Variants in NMRK1 observed in about 807,000 individuals in gnomAD.
The protein encoded by NMRK1 is NRK 1.
Under a neutral mutation model 29.9 loss-of-function variants are expected in NMRK1, and 28 were observed. That is an observed-to-expected ratio of 0.94 (90% confidence interval 0.69 to 1.28). The LOEUF is 1.28. NMRK1 is among the 50% of genes most tolerant of loss of function. The pLI is 0.00. For synonymous variants in NMRK1, 58 were observed against 73.0 expected (o/e 0.79, Z 1.05); for missense variants, 218 against 233.1 (o/e 0.94, Z 0.42).
chr9:75,069,613 T>G, intron 6 of NMRK1, 129 bp downstream of exon 6: 1 of 726,738 alleles, frequency 1.4e-6, no homozygotes, highest in South Asian at 1.7e-5. Flanking sequence ...GCTCCTTTTG[T>G]AAAAGAGTTA....
chr9:75,066,143 C>A, intron 8 of NMRK1: 1 of 375,430 alleles, frequency 2.7e-6, no homozygotes, highest in Non-Finnish European at 5.3e-6. Context: ...ATATAAATAA[C>A]TCCTACAAGC....
intron 4 of NMRK1, among the ~76,000 whole-genome samples, chr9:75,076,848 C>G (rs1824018067): frequency 6.6e-6 from 1 of 152,178 alleles, no homozygotes. Flanking sequence ...CTGCCTCGGC[C>G]TTCCAAAAGT....
At chr9:75,081,559 T>C (rs960970823) in intron 2 of NMRK1, among the ~76,000 whole-genome samples, 1 of 152,218 alleles carries the variant, frequency 6.6e-6, no homozygotes, top group African/African-American at 2.4e-5. Flanking sequence ...TATACGGCCC[T>C]GTATTGGGAC....
chr9:75,079,514 C>T (rs1217064545), intron 2 of NMRK1, among the ~76,000 whole-genome samples: 6 of 152,206 alleles, frequency 3.9e-5, no homozygotes, highest in African/African-American at 1.4e-4. Context: ...TCCTTTCTCA[C>T]TGACTTAGCT....
intron 4 of NMRK1, among the ~76,000 whole-genome samples, chr9:75,073,376 G>A (rs1823809374): frequency 6.6e-6 from 1 of 152,174 alleles, no homozygotes; most frequent in African/African-American, 2.4e-5. Context: ...ATTTTCTGTT[G>A]TTTAAGGCAT....
Position 75,078,795 on chromosome 9 carries a change from G to A in NMRK1, c.30-1215C>T, listed in dbSNP as rs565962803. Among the ~76,000 whole-genome samples the A allele has an allele frequency of 4.3e-4, 65 of 152,116 alleles. 3 individuals are homozygous for A. In the South Asian group the frequency reaches 0.013, roughly 31 times the overall value. On this transcript the variant is annotated intron_variant, in intron 2 of 8. Transcript: ENST00000361092. ...TGAAGTATCATCGATGTTCATTATT[G>A]TTTCTGATTTATGGCATTGTTTAGA...
chr9:75,066,285 G>A (rs754312539), intron 8 of NMRK1: 10 of 518,262 alleles, frequency 1.9e-5, no homozygotes, highest in East Asian at 5.4e-5. Context: ...AAACAGTGCC[G>A]TCCAATATGA....
At chr9:75,087,738 C>G (rs755301270) in intron 1 of NMRK1, 4 of 152,238 alleles carry the variant, frequency 2.6e-5, no homozygotes, top group Non-Finnish European at 5.9e-5. Flanking sequence ...AGTCCTGATC[C>G]TGTCCCTGGC....
At chr9:75,072,232 T>A (rs1389183994) in intron 4 of NMRK1, among the ~76,000 whole-genome samples, 3 of 152,186 alleles carry the variant, frequency 2.0e-5, no homozygotes, top group Admixed American at 1.3e-4. Flanking sequence ...CCCATAGCCA[T>A]GTCATTCCTC....
chr9:75,082,999 G>A, intron 2 of NMRK1, 88 bp downstream of exon 2: 1 of 951,642 alleles, frequency 1.1e-6, no homozygotes, highest in Non-Finnish European at 1.7e-6. Flanking sequence ...AATCCTCACT[G>A]CTTCTCCGTC....
chr9:75,081,639 T>C (rs754220068), intron 2 of NMRK1, among the ~76,000 whole-genome samples: 35 of 152,134 alleles, frequency 2.3e-4, no homozygotes, highest in Non-Finnish European at 4.9e-4. Context: ...TAGTGGACTT[T>C]GTAGTTGCCT....
intron 2 of NMRK1, chr9:75,078,217 T>G: frequency 6.7e-7 from 1 of 1,482,230 alleles, no homozygotes; most frequent in Middle Eastern, 1.8e-4. Flanking sequence ...ACAGAGAATA[T>G]GAGTAGCACA....
intron 4 of NMRK1, among the ~76,000 whole-genome samples, chr9:75,074,468 C>T (rs1056581909): frequency 1.1e-4 from 16 of 152,170 alleles, no homozygotes; most frequent in African/African-American, 3.4e-4. Context: ...CTCACTATAG[C>T]CTTTGCCTCC....
intron 8 of NMRK1, among the ~76,000 whole-genome samples, chr9:75,062,558 T>C (rs1217471756): frequency 6.6e-6 from 1 of 152,170 alleles, no homozygotes; most frequent in Non-Finnish European, 1.5e-5. Context: ...GCTGCATAAA[T>C]ATTAAATACT....
intron 4 of NMRK1, among the ~76,000 whole-genome samples, chr9:75,072,722 C>T (rs1823769190): frequency 6.6e-6 from 1 of 152,110 alleles, no homozygotes; most frequent in Non-Finnish European, 1.5e-5. Context: ...ACTTTTCAAA[C>T]ATTTGGTTAT....
At chr9:75,076,986 A>C (rs1051736934) in intron 4 of NMRK1, among the ~76,000 whole-genome samples, 173 bp downstream of exon 4, 2 of 152,256 alleles carry the variant, frequency 1.3e-5, no homozygotes, top group Admixed American at 1.3e-4. Context: ...ATGCAGGCTT[A>C]AAGTACAACA....
At chr9:75,077,727 A>G (rs879190409) in intron 2 of NMRK1, 147 bp from the exon 3 acceptor site, 2 of 607,532 alleles carry the variant, frequency 3.3e-6, no homozygotes, top group South Asian at 3.8e-5. Context: ...CCTCCGATTC[A>G]TGGGTTCAAG....
intron 8 of NMRK1, among the ~76,000 whole-genome samples, chr9:75,064,950 G>A (rs527529410): frequency 3.2e-4 from 49 of 152,056 alleles, no homozygotes; most frequent in South Asian, 8.3e-4. Flanking sequence ...ATGTTTTTTC[G>A]ACTTTCTTCT....
chr9:75,068,087 T>C (rs1823470379), intron 7 of NMRK1, among the ~76,000 whole-genome samples: 1 of 152,136 alleles, frequency 6.6e-6, no homozygotes, highest in Non-Finnish European at 1.5e-5. Context: ...AGGTCTGCAA[T>C]GCCTTCACTT....
Sources: gnomAD v4.1 joint callset for allele counts (sites outside exome capture counted in the v4.1 genomes callset) on GRCh38, gnomAD v4.1.1 for gene constraint, MANE v1.5 for transcripts, NCBI Gene and HGNC (gene_info 2026-07-23, HGNC 2026-07-21) for gene names.